The following RGS7 variants were observed in gnomAD, a reference collection of about 807,000 sequenced individuals.
RGS7 encodes regulator of G protein signaling 7, also known as regulator of G-protein signaling 7.
In RGS7, 27 loss-of-function variants were observed where a neutral mutation model predicts 81.1. The observed-to-expected ratio is 0.33, with a 90% CI of 0.25 to 0.46. RGS7 has a LOEUF of 0.46. Ranked by LOEUF, RGS7 falls within the 20% of genes least tolerant of loss-of-function variation. The pLI is 1.00. For missense variants in RGS7, 396 were observed against 607.4 expected (o/e 0.65, Z 3.66); for synonymous variants, 208 against 207.7 (o/e 1.00, Z -0.01).
At chr1:240,922,965 C>T (rs1331907921) in intron 6 of RGS7, among the ~76,000 whole-genome samples, 1 of 152,012 alleles carries the variant, frequency 6.6e-6, no homozygotes, top group Non-Finnish European at 1.5e-5. Context: ...AGATGTTCTT[C>T]AATGGGTGAC....
At position 241,282,776 on chromosome 1, in the gene RGS7, G is replaced by C. The variant is rs150491229; in HGVS notation, c.78+72923C>G. ...TTCTTGAGAGTTTTTTATCATAAAT[G>C]GGTGTTAAATTTTGTCACATGCTTC... On this transcript the variant is annotated intron_variant, in intron 2 of 18. Coordinates refer to ENST00000440928, the MANE Select transcript of RGS7 (RefSeq NM_001364886.1). Among the ~76,000 whole-genome samples, 470 of 152,258 alleles carry C rather than the reference G, an allele frequency of 3.1e-3. 4 individuals are homozygous for C. The highest frequency in any genetic ancestry group is 0.011 in the African/African-American group (439 of 41,556).
intron 2 of RGS7, among the ~76,000 whole-genome samples, chr1:241,202,141 C>A (rs1034045186): frequency 6.6e-6 from 1 of 151,850 alleles, no homozygotes. Context: ...TACATTAATA[C>A]CTACTCAGAT....
intron 2 of RGS7, among the ~76,000 whole-genome samples, chr1:241,332,938 C>A (rs1447555335): frequency 6.6e-6 from 1 of 152,218 alleles, no homozygotes; most frequent in Admixed American, 6.5e-5. Flanking sequence ...GTTTTCCCTG[C>A]CACCTGCAAG....
chr1:241,276,887 T>A (rs1408330837), intron 2 of RGS7, among the ~76,000 whole-genome samples: 2 of 152,128 alleles, frequency 1.3e-5, no homozygotes, highest in Non-Finnish European at 2.9e-5. Context: ...ATTTTAATAG[T>A]ACAGGCGACA....
At chr1:240,916,701 G>A (rs975954779) in intron 6 of RGS7, among the ~76,000 whole-genome samples, 1 of 152,202 alleles carries the variant, frequency 6.6e-6, no homozygotes. Context: ...ACGGGAAGGT[G>A]GCCTTCTGAA....
chr1:240,803,478 G>C lies in RGS7; in HGVS notation c.1270-485C>G, dbSNP rs548313475. The stretch of plus-strand genomic sequence containing the variant: ...TTTGGTACAAATTGCATGGAAAATT[G>C]TCTTCCATACCCACTTTGGGTCAGA... On this transcript the variant is annotated intron_variant, in intron 15 of 18. Transcript: ENST00000440928. 2.0e-5 allele frequency among the ~76,000 whole-genome samples: 3 copies of C among 152,222 alleles called. No homozygotes were observed. In the South Asian group the frequency reaches 6.2e-4, roughly 32 times the overall value.
chr1:241,104,224 G>A (rs1212963885), intron 2 of RGS7, among the ~76,000 whole-genome samples: 2 of 151,982 alleles, frequency 1.3e-5, no homozygotes, highest in Admixed American at 6.5e-5. Context: ...TTCCTTCATC[G>A]TTGTACTAGG....
At chr1:241,111,356 C>T (rs910580406) in intron 2 of RGS7, among the ~76,000 whole-genome samples, 3 of 152,072 alleles carry the variant, frequency 2.0e-5, no homozygotes, top group African/African-American at 7.3e-5. Flanking sequence ...TCATGGTATT[C>T]GTACATCCAT....
At chr1:240,867,046 C>T (rs1241490277) in intron 9 of RGS7, among the ~76,000 whole-genome samples, 1 of 152,156 alleles carries the variant, frequency 6.6e-6, no homozygotes, top group African/African-American at 2.4e-5. Flanking sequence ...ACTTAATGTC[C>T]TTGCAATAGC....
chr1:241,254,662 G>A (rs1006399199), intron 2 of RGS7, among the ~76,000 whole-genome samples: 5 of 152,100 alleles, frequency 3.3e-5, no homozygotes, highest in Non-Finnish European at 5.9e-5. Flanking sequence ...CAAACATTCA[G>A]TCCATAGAAA....
At chr1:241,355,670 G>A (rs200256647) in intron 2 of RGS7, 29 bp downstream of exon 2, 64 of 1,602,174 alleles carry the variant, frequency 4.0e-5, no homozygotes, top group Non-Finnish European at 5.2e-5. Flanking sequence ...GAAGTTTCCC[G>A]TTTTCCAAGA....
chr1:241,197,205 C>T (rs985630184), intron 2 of RGS7, among the ~76,000 whole-genome samples: 37 of 150,860 alleles, frequency 2.5e-4, no homozygotes, highest in African/African-American at 8.8e-4. Context: ...AAAGTTGAAA[C>T]TAAAAATAGA....
chr1:241,213,108 T>C (rs2074341432), intron 2 of RGS7, among the ~76,000 whole-genome samples: 1 of 152,080 alleles, frequency 6.6e-6, no homozygotes, highest in Non-Finnish European at 1.5e-5. Context: ...TCAGAACACA[T>C]TTGGGGTGTT....
chr1:241,087,739 A>G (rs932174386), intron 3 of RGS7, among the ~76,000 whole-genome samples: 2 of 152,096 alleles, frequency 1.3e-5, no homozygotes, highest in African/African-American at 4.8e-5. Flanking sequence ...ACTTGAGGTC[A>G]GCAGTTTGAG....
At chr1:241,184,332 C>T (rs576327902) in intron 2 of RGS7, among the ~76,000 whole-genome samples, 31 of 152,156 alleles carry the variant, frequency 2.0e-4, no homozygotes, top group Non-Finnish European at 4.1e-4. Flanking sequence ...ATGTATTCAT[C>T]TATTCATCAT....
intron 4 of RGS7, among the ~76,000 whole-genome samples, chr1:240,957,628 T>C (rs1385223652): frequency 6.6e-6 from 1 of 152,258 alleles, no homozygotes; most frequent in Non-Finnish European, 1.5e-5. Flanking sequence ...AAGTATTGAC[T>C]TCAGTTAATA....
intron 2 of RGS7, among the ~76,000 whole-genome samples, chr1:241,215,919 T>C (rs1394442781): frequency 6.6e-6 from 1 of 152,150 alleles, no homozygotes; most frequent in African/African-American, 2.4e-5. Context: ...TAACCATGAG[T>C]GAACAAAATT....
At chr1:241,138,534 A>G (rs1056702254) in intron 2 of RGS7, among the ~76,000 whole-genome samples, 42 of 152,176 alleles carry the variant, frequency 2.8e-4, no homozygotes, top group Admixed American at 2.0e-4. Flanking sequence ...CTTCTGTGGA[A>G]CTTGGTTACT....
At chr1:241,192,338 G>C (rs1473352755) in intron 2 of RGS7, among the ~76,000 whole-genome samples, 1 of 151,814 alleles carries the variant, frequency 6.6e-6, no homozygotes, top group Admixed American at 6.6e-5. Context: ...GTCTGCACCT[G>C]TCCGCATTTC....
Sources: gnomAD v4.1 joint callset for allele counts (sites outside exome capture counted in the v4.1 genomes callset) on GRCh38, gnomAD v4.1.1 for gene constraint, MANE v1.5 for transcripts, NCBI Gene and HGNC (gene_info 2026-07-23, HGNC 2026-07-21) for gene names.